Variants in ARHGAP15 observed in about 807,000 individuals in gnomAD.
ARHGAP15 encodes Rho GTPase activating protein 15, also known as rho GTPase-activating protein 15.
In ARHGAP15, 51 loss-of-function variants were observed where a neutral mutation model predicts 63.7. The observed-to-expected ratio is 0.80, with a 90% CI of 0.64 to 1.01. The LOEUF is 1.01. ARHGAP15 is among the 50% of genes least tolerant of loss of function. The pLI, the probability that ARHGAP15 is intolerant of heterozygous loss-of-function variation, is 0.00. For synonymous variants in ARHGAP15, 191 were observed against 193.8 expected (o/e 0.99, Z 0.12); for missense variants, 560 against 564.6 (o/e 0.99, Z 0.08).
chr2:143,403,922 G>A (rs1688091383), intron 6 of ARHGAP15, among the ~76,000 whole-genome samples: 1 of 99,078 alleles, frequency 1.0e-5, no homozygotes, highest in Admixed American at 1.3e-4. Flanking sequence ...GTACCAGGAT[G>A]TAATTTTTTT....
At chr2:143,372,789 A>T (rs751169718) in intron 6 of ARHGAP15, among the ~76,000 whole-genome samples, 3 of 152,158 alleles carry the variant, frequency 2.0e-5, no homozygotes, top group Admixed American at 6.5e-5. Context: ...ACATGTATTA[A>T]ATTCCTGTCA....
chr2:143,457,592 AAT>A (rs1426136524), intron 8 of ARHGAP15, among the ~76,000 whole-genome samples: 1 of 150,340 alleles, frequency 6.7e-6, no homozygotes, highest in Non-Finnish European at 1.5e-5. Context: ...ATTGTTGACT[AAT>A]ATATATTATA....
intron 6 of ARHGAP15, among the ~76,000 whole-genome samples, chr2:143,346,557 T>A (rs1344362257): frequency 6.6e-6 from 1 of 152,052 alleles, no homozygotes; most frequent in East Asian, 1.9e-4. Context: ...CAAGTAACAT[T>A]CCCTACATTA....
intron 6 of ARHGAP15, among the ~76,000 whole-genome samples, chr2:143,329,288 A>G (rs1235213977): frequency 2.0e-5 from 3 of 152,240 alleles, no homozygotes; most frequent in Non-Finnish European, 4.4e-5. Flanking sequence ...TTTACTCAAA[A>G]AGGAGATGAT....
At chr2:143,530,765 T>C (rs1694491121) in intron 10 of ARHGAP15, among the ~76,000 whole-genome samples, 1 of 152,212 alleles carries the variant, frequency 6.6e-6, no homozygotes, top group African/African-American at 2.4e-5. Context: ...CTCGTATTTC[T>C]AAACTCCTTA....
chr2:143,322,973 G>A (rs948114562), intron 6 of ARHGAP15, among the ~76,000 whole-genome samples: 1 of 152,166 alleles, frequency 6.6e-6, no homozygotes, highest in Non-Finnish European at 1.5e-5. Context: ...AAAATTAGGT[G>A]ACTTTGGAAA....
In ARHGAP15 at chr2:143,402,595, A is replaced by G. The variant is rs113559601; in HGVS notation, c.475-33006A>G. 4.1e-3 allele frequency among the ~76,000 whole-genome samples: 615 copies of G among 150,778 alleles called. 8 individuals are homozygous for G. The highest frequency in any genetic ancestry group is 0.014 in the African/African-American group (578 of 40,966). On this transcript the variant is annotated intron_variant, in intron 6 of 13. Transcript: ENST00000295095. ...AAATTGGAAGGGGGGGTGGGTGGGG[A>G]CTATTTTGAGATGTGAAACTGTCCA...
intron 6 of ARHGAP15, among the ~76,000 whole-genome samples, chr2:143,314,988 A>AAT (rs1469647327): frequency 6.6e-6 from 1 of 152,224 alleles, no homozygotes; most frequent in African/African-American, 2.4e-5. Flanking sequence ...GCTATGGACT[A>AAT]ATATATATGT....
chr2:143,681,233 G>T (rs972936788), intron 12 of ARHGAP15, among the ~76,000 whole-genome samples: 1 of 152,188 alleles, frequency 6.6e-6, no homozygotes, highest in African/African-American at 2.4e-5. Context: ...TGGTCCCAAT[G>T]TCAGTTGGCT....
At chr2:143,136,865 C>T (rs1208639082) in intron 1 of ARHGAP15, among the ~76,000 whole-genome samples, 1 of 151,922 alleles carries the variant, frequency 6.6e-6, no homozygotes, top group African/African-American at 2.4e-5. Flanking sequence ...TTGTATTTCA[C>T]GGGAATGAAT....
At chr2:143,170,432 C>A (rs1253203568) in intron 2 of ARHGAP15, among the ~76,000 whole-genome samples, 4 of 152,132 alleles carry the variant, frequency 2.6e-5, no homozygotes, top group Non-Finnish European at 5.9e-5. Context: ...CACACCACTG[C>A]CACCAACAAA....
At position 143,470,874 on chromosome 2, in the gene ARHGAP15, ATATATATACACGTATATTTATGTGTG is replaced by A. The variant is rs1558993308; in HGVS notation, c.704-16490_704-16465del. Among the ~76,000 whole-genome samples the A allele has an allele frequency of 1.5e-3, 219 of 150,164 alleles. 2 individuals carry two copies. The highest frequency in any genetic ancestry group is 5.2e-3 in the African/African-American group (215 of 41,124). On this transcript the variant is annotated intron_variant, in intron 8 of 13. Coordinates refer to ENST00000295095, the MANE Select transcript of ARHGAP15 (RefSeq NM_018460.4). Reference sequence around the variant, plus strand: ...CACACGTATATTTATGTGTGTGTGTATATATATACACGTATATTTATGTGTGTATATATATACACGTATGTGTATAT... The same window carrying A: ...CACACGTATATTTATGTGTGTGTGTATATATATATACACGTATGTGTATAT...
intron 6 of ARHGAP15, among the ~76,000 whole-genome samples, chr2:143,420,069 G>C (rs1339439665): frequency 2.0e-5 from 3 of 152,094 alleles, no homozygotes; most frequent in African/African-American, 7.2e-5. Context: ...TGACAGTACT[G>C]CCGATATAAG....
chr2:143,301,311 A>C (rs1056995120), intron 6 of ARHGAP15, among the ~76,000 whole-genome samples: 3 of 151,974 alleles, frequency 2.0e-5, no homozygotes, highest in Non-Finnish European at 4.4e-5. Context: ...TGTTTATTAC[A>C]CTTCAGGAAC....
chr2:143,359,820 T>C (rs988209982), intron 6 of ARHGAP15, among the ~76,000 whole-genome samples: 2 of 152,234 alleles, frequency 1.3e-5, no homozygotes, highest in Non-Finnish European at 2.9e-5. Context: ...ACTACAATTA[T>C]ATTTACAGAA....
intron 1 of ARHGAP15, among the ~76,000 whole-genome samples, chr2:143,142,752 C>A (rs548984548): frequency 4.2e-4 from 64 of 152,116 alleles, no homozygotes; most frequent in African/African-American, 1.4e-3. Context: ...CACACAAGAA[C>A]CCCACCAGTA....
intron 12 of ARHGAP15, among the ~76,000 whole-genome samples, chr2:143,674,690 C>T (rs769992156): frequency 1.6e-4 from 25 of 152,234 alleles, no homozygotes; most frequent in African/African-American, 5.5e-4. Flanking sequence ...ATAAGAGGTA[C>T]GTTTATACTA....
intron 7 of ARHGAP15, 29 bp downstream of exon 7, chr2:143,435,728 A>T: frequency 6.3e-7 from 1 of 1,587,450 alleles, no homozygotes. Flanking sequence ...TGTTACCTTT[A>T]TTAATTAAAA....
At chr2:143,639,172 G>A (rs1680485803) in intron 12 of ARHGAP15, among the ~76,000 whole-genome samples, 2 of 152,126 alleles carry the variant, frequency 1.3e-5, no homozygotes, top group African/African-American at 4.8e-5. Flanking sequence ...AGTAGATTCA[G>A]ATGTAGTTCA....
Sources: gnomAD v4.1 joint callset for allele counts (sites outside exome capture counted in the v4.1 genomes callset) on GRCh38, gnomAD v4.1.1 for gene constraint, MANE v1.5 for transcripts, NCBI Gene and HGNC (gene_info 2026-07-23, HGNC 2026-07-21) for gene names.